INTU: variants seen among roughly 807,000 people sequenced by gnomAD.
INTU encodes protein inturned.
A neutral mutation model predicts 100.5 loss-of-function variants in INTU; 68 were observed. The ratio of observed to expected loss-of-function variants is 0.68; its 90% CI spans 0.56 to 0.83. INTU has a LOEUF of 0.83. Among genes scored for constraint, INTU ranks in the 40% least tolerant of loss-of-function variants. The pLI is 0.00. For missense variants in INTU, 1,071 were observed against 1,114.7 expected, an observed-to-expected ratio of 0.96 and a Z score of 0.56; for synonymous variants, 357 against 395.7, an observed-to-expected ratio of 0.90 and a Z score of 1.16.
At chr4:127,685,610 A>G in intron 7 of INTU, 2 of 322,326 alleles carry the variant, frequency 6.2e-6, no homozygotes, top group South Asian at 5.2e-5. Context: ...TAGTGCTTTT[A>G]CCTTTTACTA....
chr4:127,636,984 A>G (rs1411434124), intron 1 of INTU, among the ~76,000 whole-genome samples: 3 of 152,182 alleles, frequency 2.0e-5, no homozygotes, highest in African/African-American at 4.8e-5. Flanking sequence ...CTTCCAGCTC[A>G]GTGTGTGAAG....
chr4:127,715,858 G>T (rs1731247246), intron 15 of INTU, among the ~76,000 whole-genome samples: 1 of 152,112 alleles, frequency 6.6e-6, no homozygotes, highest in East Asian at 1.9e-4. Flanking sequence ...TGATTAAATG[G>T]ATTTCAATTT....
At chr4:127,706,159 T>C (rs1489886521) in intron 11 of INTU, among the ~76,000 whole-genome samples, 2 of 152,156 alleles carry the variant, frequency 1.3e-5, no homozygotes, top group Non-Finnish European at 2.9e-5. Flanking sequence ...GAAAATAATA[T>C]AGAATCAGAA....
intron 8 of INTU, among the ~76,000 whole-genome samples, chr4:127,696,935 G>C (rs1730418618): frequency 6.6e-6 from 1 of 152,008 alleles, no homozygotes; most frequent in Non-Finnish European, 1.5e-5. Context: ...AACATTCTGA[G>C]ACATGAGAAT....
At chr4:127,683,205 T>C (rs1729664191) in intron 6 of INTU, among the ~76,000 whole-genome samples, 1 of 152,190 alleles carries the variant, frequency 6.6e-6, no homozygotes, top group South Asian at 2.1e-4. Context: ...ATTCCTCTCC[T>C]AAAGAACTTG....
At chr4:127,646,448 T>C (rs1321963920) in intron 2 of INTU, among the ~76,000 whole-genome samples, 1 of 152,250 alleles carries the variant, frequency 6.6e-6, no homozygotes, top group Non-Finnish European at 1.5e-5. Flanking sequence ...ATAGGTGGTC[T>C]GTGTGCTTCC....
chr4:127,635,988 G>A (rs1727051469), intron 1 of INTU, among the ~76,000 whole-genome samples: 1 of 152,104 alleles, frequency 6.6e-6, no homozygotes, highest in Non-Finnish European at 1.5e-5. Flanking sequence ...TCATCTCTCG[G>A]CTAGGTATGG....
At chr4:127,714,683 C>T (rs1350881858) in intron 15 of INTU, among the ~76,000 whole-genome samples, 1 of 152,118 alleles carries the variant, frequency 6.6e-6, no homozygotes, top group Non-Finnish European at 1.5e-5. Context: ...AGTGGCTACT[C>T]AGTTATTCTC....
intron 2 of INTU, among the ~76,000 whole-genome samples, chr4:127,650,261 T>A (rs1727784117): frequency 6.6e-6 from 1 of 152,086 alleles, no homozygotes; most frequent in Admixed American, 6.5e-5. Context: ...TTAGGGTACA[T>A]GTGCACATTG....
At position 127,704,241 on chromosome 4, in the gene INTU, A is replaced by C. The variant is rs765640244; in HGVS notation, c.1517A>C (p.Tyr506Ser). The change falls in exon 10 of 16, where the codon TAT (tyrosine) becomes TCT (serine). Residue 506 changes from tyrosine to serine, a missense_variant. Coordinates refer to ENST00000335251, the MANE Select transcript of INTU (RefSeq NM_015693.4). ...ADFAELSEDYYDMRRLYTILG... is the reference protein window; with the variant it reads ...ADFAELSEDYSDMRRLYTILG... ...TTTTTCCCCCAGTCCGAGGATTACTATGACATGAGGCGGCTGTATACAATT... is the reference window on the plus strand; with the variant it reads ...TTTTTCCCCCAGTCCGAGGATTACTCTGACATGAGGCGGCTGTATACAATT... The C allele has an allele frequency of 2.2e-5, 36 of 1,609,536 alleles. No homozygotes were observed. The Middle Eastern group carries it at 1.7e-3, about 74-fold the overall frequency.
At chr4:127,650,518 A>G (rs1401394005) in intron 2 of INTU, among the ~76,000 whole-genome samples, 7 of 151,446 alleles carry the variant, frequency 4.6e-5, no homozygotes, top group Admixed American at 2.6e-4. Flanking sequence ...ATGATTTCCA[A>G]TTTCACCCAT....
chr4:127,694,232 C>G (rs1354379839), intron 8 of INTU, among the ~76,000 whole-genome samples: 1 of 151,406 alleles, frequency 6.6e-6, no homozygotes, highest in Admixed American at 6.6e-5. Flanking sequence ...TTTCCATAAC[C>G]ATTTCAATCT....
chr4:127,646,571 A>G (rs1037452195), intron 2 of INTU, among the ~76,000 whole-genome samples: 1 of 152,202 alleles, frequency 6.6e-6, no homozygotes, highest in African/African-American at 2.4e-5. Flanking sequence ...TGATATTCCA[A>G]TTCTGTCAGT....
chr4:127,678,226 A>G (rs1383658859), intron 6 of INTU, among the ~76,000 whole-genome samples: 16 of 152,014 alleles, frequency 1.1e-4, no homozygotes, highest in Non-Finnish European at 1.8e-4. Flanking sequence ...GCAGGCCAAC[A>G]TTCAGATTCA....
chr4:127,694,300 G>A (rs1303486546), intron 8 of INTU, among the ~76,000 whole-genome samples: 1 of 151,592 alleles, frequency 6.6e-6, no homozygotes, highest in African/African-American at 2.4e-5. Flanking sequence ...CATCTAGGAT[G>A]GTTGTATATT....
chr4:127,709,939 AT>A (rs1413197344), intron 13 of INTU, among the ~76,000 whole-genome samples: 8 of 152,164 alleles, frequency 5.3e-5, no homozygotes, highest in African/African-American at 1.9e-4. Flanking sequence ...TGAATGTTTA[AT>A]TTTTTGATAG....
intron 15 of INTU, among the ~76,000 whole-genome samples, chr4:127,716,046 ATAAC>A (rs763621791): frequency 5.9e-5 from 9 of 152,220 alleles, no homozygotes; most frequent in Non-Finnish European, 1.0e-4. Context: ...CTTTATTATA[ATAAC>A]TAGATTTGCT....
chr4:127,659,657 C>T (rs939087257), intron 3 of INTU, among the ~76,000 whole-genome samples: 2 of 152,114 alleles, frequency 1.3e-5, no homozygotes, highest in Admixed American at 1.3e-4. Flanking sequence ...CGTCTCTTCC[C>T]GTCTTTATCC....
chr4:127,645,102 C>A (rs572989593), intron 2 of INTU, among the ~76,000 whole-genome samples: 2 of 152,264 alleles, frequency 1.3e-5, no homozygotes, highest in African/African-American at 4.8e-5. Context: ...AGAAGGGCAT[C>A]TGTGGCAAAG....
Sources: allele counts gnomAD v4.1 joint callset (sites outside exome capture counted in the v4.1 genomes callset), GRCh38; gene constraint gnomAD v4.1.1; transcripts MANE v1.5; gene names NCBI Gene and HGNC (gene_info 2026-07-23, HGNC 2026-07-21).